The following KCNMA1 variants were observed in gnomAD, a reference collection of about 807,000 sequenced individuals.
The protein encoded by KCNMA1 is potassium calcium-activated channel subfamily M alpha 1, also known as Calcium-activated potassium channel subunit alpha-1.
KCNMA1 carries 29 observed loss-of-function variants against 140.0 expected under a neutral mutation model. The observed-to-expected ratio is 0.21, with a 90% confidence interval of 0.15 to 0.28. KCNMA1 has a LOEUF of 0.28. KCNMA1 is among the 10% of genes least tolerant of loss of function. The pLI is 1.00. For missense variants in KCNMA1, 880 were observed against 1,602.2 expected (o/e 0.55, Z 7.70); for synonymous variants, 612 against 611.9 (o/e 1.00, Z 0.00).
chr10:77,558,794 GA>G (rs1157642434), intron 1 of KCNMA1, among the ~76,000 whole-genome samples: 3 of 152,194 alleles, frequency 2.0e-5, no homozygotes, highest in Non-Finnish European at 4.4e-5. Flanking sequence ...ATAAACTCAA[GA>G]AACAGACAAT....
chr10:77,387,611 CTTTTCTTTT>C (rs2095661095), intron 2 of KCNMA1, among the ~76,000 whole-genome samples: 1 of 89,112 alleles, frequency 1.1e-5, no homozygotes, highest in Non-Finnish European at 2.1e-5. Flanking sequence ...TCTTTTCTTT[CTTTTCTTTT>C]CTTTTCTTTT....
chr10:76,881,607 C>T (rs1375272124), downstream of KCNMA1, among the ~76,000 whole-genome samples: 1 of 152,120 alleles, frequency 6.6e-6, no homozygotes, highest in Non-Finnish European at 1.5e-5. Flanking sequence ...TGGCCCAAGG[C>T]AATTGCTGAA....
At chr10:77,419,295 T>C (rs758182745) in intron 1 of KCNMA1, among the ~76,000 whole-genome samples, 11 of 152,200 alleles carry the variant, frequency 7.2e-5, no homozygotes, top group Admixed American at 1.3e-4. Context: ...TCAACTTTGC[T>C]GGCGTCTTGG....
At chr10:77,213,566 A>T (rs1417776267) in intron 3 of KCNMA1, among the ~76,000 whole-genome samples, 1 of 152,266 alleles carries the variant, frequency 6.6e-6, no homozygotes, top group Non-Finnish European at 1.5e-5. Flanking sequence ...TGGTGATCAC[A>T]CACACAATTA....
intron 2 of KCNMA1, among the ~76,000 whole-genome samples, chr10:77,323,731 T>C (rs1290110131): frequency 2.6e-5 from 4 of 152,218 alleles, no homozygotes; most frequent in Non-Finnish European, 5.9e-5. Context: ...TACTTCTCTC[T>C]CCTGCCTCCT....
rs190384631 is a variant in KCNMA1 at position 77,535,354 on chromosome 10, T to G, written c.378+101911A>C. ...ACGGATGGAAGTAGTTATAATTCAG[T>G]TTTTTAAAAGACAGCTATTATCAAA... On this transcript the variant is annotated intron_variant, in intron 1 of 27. Coordinates refer to ENST00000286628, the MANE Select transcript of KCNMA1 (RefSeq NM_001161352.2). Among the ~76,000 whole-genome samples, 5 of 152,260 alleles carry G rather than the reference T, an allele frequency of 3.3e-5. No individual in the cohort carries two copies. In the East Asian group the frequency reaches 9.7e-4, roughly 29 times the overall value.
intron 20 of KCNMA1, among the ~76,000 whole-genome samples, chr10:76,969,021 T>G (rs2075059471): frequency 6.6e-6 from 1 of 151,992 alleles, no homozygotes; most frequent in South Asian, 2.1e-4. Flanking sequence ...AGAAACCACA[T>G]AGGGTGAGCA....
At chr10:77,580,164 G>C (rs759739264) in intron 1 of KCNMA1, among the ~76,000 whole-genome samples, 1 of 152,082 alleles carries the variant, frequency 6.6e-6, no homozygotes, top group Non-Finnish European at 1.5e-5. Flanking sequence ...GGCAGATCAC[G>C]AGGTCTGGAG....
chr10:77,570,268 C>T (rs1416564919), intron 1 of KCNMA1, among the ~76,000 whole-genome samples: 2 of 143,644 alleles, frequency 1.4e-5, no homozygotes, highest in Non-Finnish European at 3.1e-5. Flanking sequence ...AATCATGCTG[C>T]TATAAAGACA....
At chr10:76,896,766 G>A (rs1032137524) in intron 25 of KCNMA1, among the ~76,000 whole-genome samples, 1 of 151,988 alleles carries the variant, frequency 6.6e-6, no homozygotes, top group Non-Finnish European at 1.5e-5. Flanking sequence ...TTGTAGGGGA[G>A]GGTAGGATAA....
intron 2 of KCNMA1, among the ~76,000 whole-genome samples, chr10:77,381,410 CCTT>C (rs1169304460): frequency 1.3e-5 from 2 of 152,024 alleles, no homozygotes; most frequent in African/African-American, 4.8e-5. Flanking sequence ...AAGTAAAATT[CCTT>C]CCAAAAAATG....
chr10:77,016,034 C>T (rs951648606), intron 17 of KCNMA1, among the ~76,000 whole-genome samples: 2 of 152,140 alleles, frequency 1.3e-5, no homozygotes, highest in African/African-American at 4.8e-5. Flanking sequence ...TATAACAGAT[C>T]CAACCTTTCT....
At chr10:77,635,352 G>T (rs2670116) in intron 1 of KCNMA1, 117,972 of 152,130 alleles carry the variant, frequency 0.78, 46,245 homozygotes, top group African/African-American at 0.89. Context: ...TTTCAATCAT[G>T]GAAAAAGTTT....
chr10:77,630,820 G>A (rs903699913), intron 1 of KCNMA1, among the ~76,000 whole-genome samples: 1 of 151,974 alleles, frequency 6.6e-6, no homozygotes, highest in Admixed American at 6.6e-5. Context: ...ATTAAAGTTT[G>A]ACTAAGCCAG....
In KCNMA1 at chr10:76,941,018, G is replaced by GAAGGAAGGAAGGAAGGAAGA. The variant is rs1554960623; in HGVS notation, c.2902+3754_2902+3755insTCTTCCTTCCTTCCTTCCTT. ...GAAAGAAAGGAAGGAAGGAAGGAAG[G>GAAGGAAGGAAGGAAGGAAGA]AAGAAAGAAAGAAAGAAAGAAAGAA... On this transcript the variant is annotated intron_variant, in intron 23 of 27. Coordinates refer to ENST00000286628, the MANE Select transcript of KCNMA1 (RefSeq NM_001161352.2). Among the ~76,000 whole-genome samples, 300 of 38,226 alleles carry GAAGGAAGGAAGGAAGGAAGA rather than the reference G, an allele frequency of 7.8e-3. 29 individuals are homozygous for GAAGGAAGGAAGGAAGGAAGA. In the East Asian group the frequency reaches 0.15, roughly 19 times the overall value. 25.1% of individuals were successfully genotyped at this position (38,226 alleles called of 152,430 possible).
At chr10:77,175,228 C>T (rs2098742490) in intron 5 of KCNMA1, among the ~76,000 whole-genome samples, 1 of 152,164 alleles carries the variant, frequency 6.6e-6, no homozygotes, top group African/African-American at 2.4e-5. Context: ...AAAAGATGGG[C>T]TCCAGAATTG....
At chr10:77,238,236 T>A (rs2056225461) in intron 3 of KCNMA1, among the ~76,000 whole-genome samples, 1 of 152,068 alleles carries the variant, frequency 6.6e-6, no homozygotes, top group South Asian at 2.1e-4. Flanking sequence ...CAATGGAGGG[T>A]GAGAAATACG....
At chr10:77,321,670 T>C (rs79965683) in intron 2 of KCNMA1, among the ~76,000 whole-genome samples, 4,553 of 152,306 alleles carry the variant, frequency 0.03, 104 homozygotes, top group South Asian at 0.038. Context: ...GGTTTTTTTT[T>C]CCCCTGTCCA....
rs1263159961 is a variant in KCNMA1 at position 77,637,277 on chromosome 10, C to T, written c.366G>A (p.Gly122=). The T allele has an allele frequency of 2.5e-6, 4 of 1,608,412 alleles. No homozygotes were observed. The East Asian group carries it at 9.0e-5, about 36-fold the overall frequency. The change falls in exon 1 of 28, where the codon GGG becomes GGA. Residue 122 remains glycine (G), a synonymous_variant. Transcript: ENST00000286628. Reference sequence around the variant, plus strand: ...GGGCGCGCGTTACCTTCGTCTTGCCCCCGCAGTGGCAGCACACGGTCCACA... The same window carrying T: ...GGGCGCGCGTTACCTTCGTCTTGCCTCCGCAGTGGCAGCACACGGTCCACA... ...KYLWTVCCHC[G]GKTKEAQKIN... is the part of the protein sequence containing the mutation.
Sources: allele counts gnomAD v4.1 joint callset (sites outside exome capture counted in the v4.1 genomes callset), GRCh38; gene constraint gnomAD v4.1.1; transcripts MANE v1.5; gene names NCBI Gene and HGNC (gene_info 2026-07-23, HGNC 2026-07-21).